Variants in BBS12 observed in about 807,000 individuals in gnomAD.
BBS12 encodes Bardet-Biedl syndrome 12.
BBS12 carries 5 observed loss-of-function variants against 5.6 expected under a neutral mutation model. That is an observed-to-expected ratio of 0.89 (90% CI 0.46 to 1.86). The LOEUF (loss-of-function observed/expected upper bound fraction) is 1.86. Among genes scored for constraint, BBS12 ranks in the 40% most tolerant of loss-of-function variants. The pLI is 0.01. For missense variants in BBS12, 748 were observed against 830.4 expected (o/e 0.90, Z 1.22); for synonymous variants, 308 against 306.8 (o/e 1.00, Z -0.04).
chr4:122,714,637 T>TAAATATATAC, the BBS12 span, among the ~76,000 whole-genome samples: 2 of 151,502 alleles, frequency 1.3e-5, no homozygotes, highest in Non-Finnish European at 2.9e-5. Flanking sequence ...TAAATATATA[T>TAAATATATAC]AAATATATAC....
chr4:122,708,641 A>G, the BBS12 span, among the ~76,000 whole-genome samples: 4 of 144,244 alleles, frequency 2.8e-5, no homozygotes, highest in Non-Finnish European at 4.5e-5. Flanking sequence ...TTATAAATAT[A>G]AAAAAACTGT....
the BBS12 span, among the ~76,000 whole-genome samples, chr4:122,707,054 C>CTTTT: frequency 1.1e-4 from 8 of 72,244 alleles, no homozygotes; most frequent in Admixed American, 2.1e-4. Context: ...CTCTCTCTCT[C>CTTTT]TTTTTTTTTT....
the BBS12 span, among the ~76,000 whole-genome samples, chr4:122,715,758 A>T: frequency 6.6e-6 from 1 of 152,200 alleles, no homozygotes; most frequent in Non-Finnish European, 1.5e-5. Flanking sequence ...ACACAGAAAG[A>T]AAAAATATAA....
At chr4:122,719,998 G>A in the BBS12 span, among the ~76,000 whole-genome samples, 1 of 152,108 alleles carries the variant, frequency 6.6e-6, no homozygotes, top group African/African-American at 2.4e-5. Flanking sequence ...AATCTTCTTT[G>A]GAGGAAAGTA....
At chr4:122,709,977 C>G in the BBS12 span, among the ~76,000 whole-genome samples, 1 of 152,126 alleles carries the variant, frequency 6.6e-6, no homozygotes, top group Non-Finnish European at 1.5e-5. Context: ...TCAAAACTCT[C>G]AGATCCTTTT....
the BBS12 span, among the ~76,000 whole-genome samples, chr4:122,717,755 C>T: frequency 6.6e-6 from 1 of 152,092 alleles, no homozygotes; most frequent in Non-Finnish European, 1.5e-5. Context: ...GAACTCCTGG[C>T]TCCAAGCAAT....
chr4:122,719,873 G>A, the BBS12 span, among the ~76,000 whole-genome samples: 2 of 152,180 alleles, frequency 1.3e-5, no homozygotes, highest in Non-Finnish European at 2.9e-5. Flanking sequence ...TTTACCCTAT[G>A]AGTAAGGACA....
chr4:122,713,819 T>C, the BBS12 span, among the ~76,000 whole-genome samples: 1 of 152,228 alleles, frequency 6.6e-6, no homozygotes, highest in South Asian at 2.1e-4. Flanking sequence ...GAAATTGCAA[T>C]TTAAAAAGAT....
chr4:122,729,734 T>C (rs1800673782), upstream of BBS12: 1 of 152,046 alleles, frequency 6.6e-6, no homozygotes, highest in African/African-American at 2.4e-5. Flanking sequence ...GATCATGAGG[T>C]CAGGAGATTG....
the BBS12 span, among the ~76,000 whole-genome samples, chr4:122,712,158 G>A: frequency 2.6e-5 from 4 of 152,194 alleles, no homozygotes; most frequent in African/African-American, 9.7e-5. Flanking sequence ...CTTGGACTGA[G>A]CCAAGTCTCC....
At chr4:122,716,645 G>A in the BBS12 span, among the ~76,000 whole-genome samples, 50,203 of 109,774 alleles carry the variant, frequency 0.46, 11,180 homozygotes, top group South Asian at 0.6. Flanking sequence ...ATATACACAC[G>A]TGTGTGTATA....
At chr4:122,718,475 C>T in the BBS12 span, among the ~76,000 whole-genome samples, 43 of 152,126 alleles carry the variant, frequency 2.8e-4, no homozygotes, top group Non-Finnish European at 5.4e-4. Flanking sequence ...AACTGGAAAT[C>T]ACCCAATTCC....
intron 1 of BBS12, 39 bp from the exon 2 acceptor site, chr4:122,741,844 T>G (rs759796226): frequency 3.5e-5 from 53 of 1,526,902 alleles, no homozygotes; most frequent in Non-Finnish European, 4.4e-5. Context: ...AACTATGAAT[T>G]ATACTGAATA....
At chr4:122,705,962 A>G in the BBS12 span, among the ~76,000 whole-genome samples, 1 of 152,148 alleles carries the variant, frequency 6.6e-6, no homozygotes, top group Non-Finnish European at 1.5e-5. Flanking sequence ...CTTCTTCCTC[A>G]TTGCTTGGAT....
chr4:122,716,980 A>G, the BBS12 span, among the ~76,000 whole-genome samples: 2 of 152,218 alleles, frequency 1.3e-5, no homozygotes, highest in Non-Finnish European at 2.9e-5. Flanking sequence ...ATAAGCATAA[A>G]TCAAACCACA....
At chr4:122,713,622 A>G in the BBS12 span, among the ~76,000 whole-genome samples, 208 of 152,352 alleles carry the variant, frequency 1.4e-3, 1 homozygote, top group African/African-American at 4.9e-3. Flanking sequence ...ACTCAACTCT[A>G]TCCTATGTCA....
At chr4:122,726,741 C>CAT in the BBS12 span, among the ~76,000 whole-genome samples, 8 of 152,024 alleles carry the variant, frequency 5.3e-5, no homozygotes, top group African/African-American at 1.2e-4. Context: ...AGGAAATTGT[C>CAT]ATATATATAT....
At chr4:122,706,154 G>A in the BBS12 span, among the ~76,000 whole-genome samples, 1 of 152,038 alleles carries the variant, frequency 6.6e-6, no homozygotes, top group Non-Finnish European at 1.5e-5. Flanking sequence ...TGTCTTCATG[G>A]ACTTGGAGTC....
the BBS12 span, among the ~76,000 whole-genome samples, chr4:122,722,213 G>T: frequency 6.6e-6 from 1 of 152,216 alleles, no homozygotes; most frequent in East Asian, 1.9e-4. Flanking sequence ...AGCCACCTTT[G>T]TCTTAAATCA....
Sources: allele counts gnomAD v4.1 joint callset (sites outside exome capture counted in the v4.1 genomes callset), GRCh38; gene constraint gnomAD v4.1.1; transcripts MANE v1.5; gene names NCBI Gene and HGNC (gene_info 2026-07-23, HGNC 2026-07-21).